The following HADHA variants were observed in gnomAD, a reference collection of about 807,000 sequenced individuals.
HADHA encodes hydroxyacyl-CoA dehydrogenase trifunctional multienzyme complex subunit alpha, also known as trifunctional enzyme subunit alpha, mitochondrial.
Under a neutral mutation model 91.3 loss-of-function variants are expected in HADHA, and 59 were observed. The ratio of observed to expected loss-of-function variants is 0.65; its 90% CI spans 0.52 to 0.80. HADHA has a LOEUF of 0.80. HADHA is among the 30% of genes least tolerant of loss of function. The probability of loss-of-function intolerance (pLI) is 0.00; values close to 1 mark genes in which losing one functional copy is unlikely to be tolerated. For missense variants in HADHA, 800 were observed against 927.6 expected, an observed-to-expected ratio of 0.86 and a Z score of 1.79; for synonymous variants, 320 against 338.9, an observed-to-expected ratio of 0.94 and a Z score of 0.61.
intron 13 of HADHA, among the ~76,000 whole-genome samples, chr2:26,198,661 T>TA (rs11402059): frequency 0.82 from 122,221 of 148,720 alleles, 50,530 homozygotes; most frequent in African/African-American, 0.94. Flanking sequence ...CCTTAAGATT[T>TA]AAAAAAAAAA....
intron 6 of HADHA, 131 bp from the exon 7 acceptor site, chr2:26,230,425 C>G (rs1670595635): frequency 1.4e-6 from 1 of 704,674 alleles, no homozygotes; most frequent in Non-Finnish European, 2.6e-6. Context: ...TATTTGTCAA[C>G]AGCATAGATA....
At chr2:26,225,150 A>G (rs1026014600) in intron 7 of HADHA, among the ~76,000 whole-genome samples, 8 of 152,190 alleles carry the variant, frequency 5.3e-5, no homozygotes, top group Non-Finnish European at 8.8e-5. Context: ...TCTATCAAGT[A>G]TTTAAGAAAT....
chr2:26,219,549 G>A (rs1299178495), intron 7 of HADHA, among the ~76,000 whole-genome samples: 1 of 152,220 alleles, frequency 6.6e-6, no homozygotes, highest in Non-Finnish European at 1.5e-5. Flanking sequence ...CAATTTGTGA[G>A]GTGAGGCCCA....
At chr2:26,202,187 C>T (rs1574608626) in intron 12 of HADHA, among the ~76,000 whole-genome samples, 1 of 152,140 alleles carries the variant, frequency 6.6e-6, no homozygotes, top group Non-Finnish European at 1.5e-5. Flanking sequence ...TAGCACATTG[C>T]ACTGATTACA....
chr2:26,194,549 A>G (rs1047297627), intron 16 of HADHA, 21 bp downstream of exon 16: 1 of 1,504,438 alleles, frequency 6.6e-7, no homozygotes, highest in African/African-American at 1.4e-5. Flanking sequence ...TGCCGCAAAC[A>G]CTCTGGAGAG....
At position 26,191,632 on chromosome 2, in the gene HADHA, C is replaced by A. The variant is rs775551171; in HGVS notation, c.2001-4G>T. On this transcript the variant is annotated splice_polypyrimidine_tract_variant and splice_region_variant and intron_variant, in intron 18 of 19. Coordinates refer to ENST00000380649, the MANE Select transcript of HADHA (RefSeq NM_000182.5). Reference sequence around the variant, plus strand: ...CTGGATGTCTTCGTCTGATGAGCTGCCAACAGAAAGAGATGTTTAGGTAGA... The same window carrying A: ...CTGGATGTCTTCGTCTGATGAGCTGACAACAGAAAGAGATGTTTAGGTAGA... 1 of 1,613,664 alleles carries A rather than the reference C, an allele frequency of 6.2e-7. No individual in the cohort carries two copies. The highest frequency in any genetic ancestry group is 8.5e-7 in the Non-Finnish European group (1 of 1,179,782).
intron 7 of HADHA, among the ~76,000 whole-genome samples, chr2:26,216,796 G>C (rs1414483941): frequency 6.6e-6 from 1 of 152,160 alleles, no homozygotes; most frequent in Admixed American, 6.5e-5. Flanking sequence ...TGCACAACAG[G>C]AGAGCTCCAG....
chr2:26,192,473 A>C (rs1415334504), intron 17 of HADHA, 49 bp from the exon 18 acceptor site: 4 of 1,028,546 alleles, frequency 3.9e-6, no homozygotes, highest in Middle Eastern at 2.0e-4. Context: ...TCAGGGAGGG[A>C]GTGTTACTAT....
chr2:26,234,154 TTACA>T lies in HADHA; in HGVS notation c.453+59_453+62del, dbSNP rs1670691289. The T allele has an allele frequency of 3.4e-6, 5 of 1,480,490 alleles. No homozygotes were observed. The South Asian group carries it at 5.7e-5, about 17-fold the overall frequency. The allele number at this position is 1,480,490 out of a possible 1,614,324, so 91.7% of individuals were successfully genotyped here. On this transcript the variant is annotated intron_variant, in intron 5 of 19. Coordinates refer to ENST00000380649, the MANE Select transcript of HADHA (RefSeq NM_000182.5). ...CCAGGCAAAGCAGTAGCCTAAGGGT[TTACA>T]GCTGATGAATGCCACCAATGAGTTG...
chr2:26,201,709 G>A (rs1669845673), intron 12 of HADHA, among the ~76,000 whole-genome samples: 1 of 152,116 alleles, frequency 6.6e-6, no homozygotes, highest in South Asian at 2.1e-4. Context: ...AGGGGAAGCA[G>A]CCAAAGTGTG....
chr2:26,203,923 G>C (rs903451197), intron 12 of HADHA, 139 bp downstream of exon 12: 2 of 858,214 alleles, frequency 2.3e-6, no homozygotes, highest in African/African-American at 1.7e-5. Flanking sequence ...GGAGTATCTA[G>C]AACTCATTAT....
rs546422836 is a variant in HADHA, at chr2:26,214,675, C to G, written c.800-114G>C. ...ATTCTAGCTATCTGCAAGAACTGCTCTTTATTCTGATACACACAATATAAA... is the reference window on the plus strand; with the variant it reads ...ATTCTAGCTATCTGCAAGAACTGCTGTTTATTCTGATACACACAATATAAA... On this transcript the variant is annotated intron_variant, in intron 8 of 19. Coordinates refer to ENST00000380649, the MANE Select transcript of HADHA (RefSeq NM_000182.5). The surrounding 1 kb of genome is among the most constrained non-coding windows in gnomAD (Gnocchi z 4.1). The G allele has an allele frequency of 5.5e-4, 395 of 714,746 alleles. 1 individual carries two copies. In the African/African-American group the frequency reaches 6.5e-3, roughly 12 times the overall value. 44.3% of individuals were successfully genotyped at this position (714,746 alleles called of 1,614,324 possible). A position where few individuals can be genotyped will look rare whatever the true frequency, so the allele number is the denominator to read the frequency against.
chr2:26,191,654 T>A, intron 18 of HADHA, 26 bp from the exon 19 acceptor site: 1 of 1,612,972 alleles, frequency 6.2e-7, no homozygotes, highest in South Asian at 1.1e-5. Flanking sequence ...GATGTTTAGG[T>A]AGAAGAAGAG....
chr2:26,195,711 A>G (rs954075353), intron 14 of HADHA, among the ~76,000 whole-genome samples: 1 of 152,200 alleles, frequency 6.6e-6, no homozygotes, highest in Admixed American at 6.5e-5. Flanking sequence ...ACTCCTCAAC[A>G]GTCAGATGCA....
intron 12 of HADHA, 65 bp from the exon 13 acceptor site, chr2:26,201,385 G>T: frequency 9.1e-7 from 1 of 1,103,906 alleles, no homozygotes. Context: ...GAATGTCCAT[G>T]GGCCAGAGCA....
In HADHA at chr2:26,192,558, G is replaced by A. The variant is rs13429249; in HGVS notation, c.1886-134C>T. On this transcript the variant is annotated intron_variant, in intron 17 of 19. Transcript: ENST00000380649. ...TCCCAGCACTTTGGGAGGCCGAGGC[G>A]GAGGATCATTTGAGGTCAGGAGTTT... 4,860 of 701,734 alleles carry A rather than the reference G, an allele frequency of 6.9e-3. 161 individuals carry two copies. The African/African-American group carries it at 0.072, about 10-fold the overall frequency. The allele number at this position is 701,734 out of a possible 1,614,324, so 43.5% of individuals were successfully genotyped here.
At chr2:26,205,881 T>C (rs1262999091) in intron 11 of HADHA, among the ~76,000 whole-genome samples, 2 of 151,896 alleles carry the variant, frequency 1.3e-5, no homozygotes, top group Non-Finnish European at 2.9e-5. Context: ...TTGTGACATA[T>C]ACAGCAGACA....
At chr2:26,203,498 T>A (rs1216218562) in intron 12 of HADHA, among the ~76,000 whole-genome samples, 1 of 152,156 alleles carries the variant, frequency 6.6e-6, no homozygotes, top group African/African-American at 2.4e-5. Context: ...AGAGGTAAGA[T>A]GGAGATAGTC....
In HADHA at chr2:26,201,275, C is replaced by T. The variant is rs781701332; in HGVS notation, c.1266G>A (p.Arg422=). The T allele has an allele frequency of 3.1e-6, 5 of 1,611,740 alleles. No homozygotes were observed. The highest frequency in any genetic ancestry group is 4.2e-6 in the Non-Finnish European group (5 of 1,177,960). The part of the protein sequence containing the change: ...VKKKALTSFE[R]DSIFSNLTGQ... ...CAGTCAAGTTGCTGAAGATGGAATC[C>T]CTTTCAAATGATGTTAGAGCTTTCT... The change falls in exon 13 of 20, where the codon AGG becomes AGA. Residue 422 remains arginine, a synonymous_variant. Transcript: ENST00000380649.
Sources: allele counts gnomAD v4.1 joint callset (sites outside exome capture counted in the v4.1 genomes callset), GRCh38; gene constraint gnomAD v4.1.1; non-coding constraint Gnocchi (gnomAD v3.1); transcripts MANE v1.5; gene names NCBI Gene and HGNC (gene_info 2026-07-23, HGNC 2026-07-21).